TLN1: variants seen among roughly 807,000 people sequenced by gnomAD.
TLN1 encodes talin 1.
TLN1 carries 56 observed loss-of-function variants against 292.3 expected under a neutral mutation model. The ratio of observed to expected loss-of-function variants is 0.19; its 90% confidence interval spans 0.15 to 0.24. The LOEUF is 0.24. Ranked by LOEUF, TLN1 falls within the 10% of genes least tolerant of loss-of-function variation. The pLI is 1.00. For missense variants in TLN1, 2,433 were observed against 3,248.2 expected (o/e 0.75, Z 6.10); for synonymous variants, 1,119 against 1,253.7 (o/e 0.89, Z 2.27).
At position 35,720,419 on chromosome 9, in the gene TLN1, A is replaced by C. The variant is rs778520565; in HGVS notation, c.1283+14T>G. 4 of 1,613,752 alleles carry C rather than the reference A, an allele frequency of 2.5e-6. No individual in the cohort carries two copies. Among genetic ancestry groups the C allele is most frequent in the Non-Finnish European group, 3.4e-6 (4 of 1,179,852 alleles). Reference sequence around the variant, plus strand: ...TACCCCTGGGAAATGGGATCAGCCCAACTCCCTTCGTACTTTTTGGGGGAC... The same window carrying C: ...TACCCCTGGGAAATGGGATCAGCCCCACTCCCTTCGTACTTTTTGGGGGAC... On this transcript the variant is annotated intron_variant, in intron 12 of 56. Coordinates refer to ENST00000314888, the MANE Select transcript of TLN1 (RefSeq NM_006289.4).
chr9:35,718,862 C>T lies in TLN1; in HGVS notation c.1945G>A (p.Gly649Arg). ...QAAGNVGQAS[G>R]ELLQQIGESD... ...TCCCCAATTTGTTGCAACAGCTCCCCACTGGCCTGGCCCACGTTCCCAGCT... is the reference window on the plus strand; with the variant it reads ...TCCCCAATTTGTTGCAACAGCTCCCTACTGGCCTGGCCCACGTTCCCAGCT... Residue 649 changes from glycine (G) to arginine (R), a missense_variant, in exon 17 of 57, where the codon GGG becomes AGG. Around this residue, in one of 7 missense-constraint regions of TLN1, gnomAD observed 617 missense variants for 770.6 expected, o/e 0.80. Transcript: ENST00000314888. 1 of 1,613,738 alleles carries T rather than the reference C, an allele frequency of 6.2e-7. No individual in the cohort carries two copies. The highest frequency in any genetic ancestry group is 8.5e-7 in the Non-Finnish European group (1 of 1,179,828).
chr9:35,697,419 G>A lies in TLN1; in HGVS notation c.*372C>T. On this transcript the variant is annotated 3_prime_UTR_variant, in exon 57 of 57. Coordinates refer to ENST00000314888, the MANE Select transcript of TLN1 (RefSeq NM_006289.4). ...GCCCCTATGGGTAGCTGGGGGTGGG[G>A]GAAGATAGTATCAAAAAACGGTGAA... 1 of 240,324 alleles carries A rather than the reference G, an allele frequency of 4.2e-6. No homozygotes were observed. Among genetic ancestry groups the A allele is most frequent in the Non-Finnish European group, 8.1e-6 (1 of 122,744 alleles). 14.9% of individuals were successfully genotyped at this position (240,324 alleles called of 1,614,324 possible).
chr9:35,714,913 T>TTCCC lies in TLN1; in HGVS notation c.2755-41_2755-38dup. On this transcript the variant is annotated intron_variant, in intron 21 of 56. Coordinates refer to ENST00000314888, the MANE Select transcript of TLN1 (RefSeq NM_006289.4). The surrounding 1 kb of genome is among the most constrained non-coding windows in gnomAD (Gnocchi z 4.6). ...AGAGTAGTCAGACCAAGCCCATGGA[T>TTCCC]TCCCATGCCCAGCCCAGTCCCTGGC... 1 of 1,597,796 alleles carries TTCCC rather than the reference T, an allele frequency of 6.3e-7. No homozygotes were observed. The highest frequency in any genetic ancestry group is 8.5e-7 in the Non-Finnish European group (1 of 1,171,522).
rs1320468153 is a variant in TLN1, at chr9:35,719,222, T to C, written c.1748A>G (p.Asn583Ser). ...VGCAVTTISS[N>S]LTEMSRGVKL... is the part of the protein sequence containing the mutation. The stretch of plus-strand genomic sequence containing the variant: ...CACCCCACGGGACATCTCCGTCAGG[T>C]TGGAGGAGATTGTGGTGACTGCACA... Residue 583 changes from asparagine (N) to serine (S), a missense_variant, in exon 16 of 57, where the codon AAC becomes AGC. Physicochemically the swap from Asn to Ser is conservative, Grantham distance 46. Around this residue, in one of 7 missense-constraint regions of TLN1, gnomAD observed 617 missense variants for 770.6 expected, o/e 0.80. Coordinates refer to ENST00000314888, the MANE Select transcript of TLN1 (RefSeq NM_006289.4). This position sits in a 1 kb window ranked among gnomAD's most constrained non-coding sequence, Gnocchi z 4.6. The C allele has an allele frequency of 9.3e-6, 15 of 1,614,044 alleles. No homozygotes were observed. The highest frequency in any genetic ancestry group is 1.3e-5 in the African/African-American group (1 of 74,998).
chr9:35,713,838 G>A, intron 25 of TLN1, 115 bp downstream of exon 25: 2 of 1,122,462 alleles, frequency 1.8e-6, no homozygotes, highest in Non-Finnish European at 2.5e-6. Context: ...AAAAATAAAA[G>A]AGAGAAAGAG....
In TLN1 at chr9:35,697,585, TG is replaced by T; in HGVS notation, c.*205del. ...AATACTCTGGGGAGGGGCAGGCACT[TG>T]GGGGGCCCTAGGGCATGAAGGCACT... On this transcript the variant is annotated 3_prime_UTR_variant, in exon 57 of 57. Transcript: ENST00000314888. The T allele has an allele frequency of 1.8e-6, 1 of 544,710 alleles. No individual in the cohort carries two copies. Among genetic ancestry groups the T allele is most frequent in the Non-Finnish European group, 3.0e-6 (1 of 336,834 alleles). 33.7% of individuals were successfully genotyped at this position (544,710 alleles called of 1,614,324 possible). A position where few individuals can be genotyped will look rare whatever the true frequency, so the allele number is the denominator to read the frequency against.
In TLN1 at chr9:35,706,899, C is replaced by T. The variant is rs779307601; in HGVS notation, c.4957G>A (p.Asp1653Asn). Residue 1653 changes from aspartate (D) to asparagine (N), a missense_variant and splice_region_variant, in exon 38 of 57, where the codon GAC (aspartate) becomes AAC (asparagine). By Grantham distance (23) the Asp-to-Asn change is conservative (BLOSUM62 1). Around this residue, in one of 7 missense-constraint regions of TLN1, gnomAD observed 1,384 missense variants for 1,699.6 expected, o/e 0.81. Coordinates refer to ENST00000314888, the MANE Select transcript of TLN1 (RefSeq NM_006289.4). This position sits in a 1 kb window ranked among gnomAD's most constrained non-coding sequence, Gnocchi z 4.2. Reference protein sequence around the residue: ...SIKKLITSMRDKAPGQLECET... With the variant: ...SIKKLITSMRNKAPGQLECET... ...CACTCCAGCTGCCCTGGAGCCTTGTCCCTGCAGACACATCATGGGCTCCAA... is the reference window on the plus strand; with the variant it reads ...CACTCCAGCTGCCCTGGAGCCTTGTTCCTGCAGACACATCATGGGCTCCAA... 1 of 1,613,882 alleles carries T rather than the reference C, an allele frequency of 6.2e-7. No homozygotes were observed. The highest frequency in any genetic ancestry group is 1.7e-5 in the Admixed American group (1 of 59,988).
At chr9:35,726,014 G>A (rs1199179766) in intron 1 of TLN1, among the ~76,000 whole-genome samples, 1 of 152,044 alleles carries the variant, frequency 6.6e-6, no homozygotes, top group Non-Finnish European at 1.5e-5. Flanking sequence ...CTGGATTCAC[G>A]CCATTCTCCT....
rs549376234 is a variant in TLN1, at chr9:35,719,399, A to C, written c.1688-117T>G. On this transcript the variant is annotated intron_variant, in intron 15 of 56. Coordinates refer to ENST00000314888, the MANE Select transcript of TLN1 (RefSeq NM_006289.4). This position sits in a 1 kb window ranked among gnomAD's most constrained non-coding sequence, Gnocchi z 4.6. ...CACATGTCCACAGAAAGACGCACAC[A>C]CACAGTCCCTTCCACAGTGAGTCAA... The C allele has an allele frequency of 1.1e-5, 15 of 1,345,034 alleles. 1 individual carries two copies. In the South Asian group the frequency reaches 1.8e-4, roughly 16 times the overall value. 83.3% of individuals were successfully genotyped at this position (1,345,034 alleles called of 1,614,324 possible). A position where few individuals can be genotyped will look rare whatever the true frequency, so the allele number is the denominator to read the frequency against.
Position 35,718,861 on chromosome 9 carries a change from C to T in TLN1, c.1946G>A (p.Gly649Glu), listed in dbSNP as rs1209808173. Residue 649 changes from glycine to glutamate, a missense_variant, in exon 17 of 57, where the codon GGG becomes GAG. Gly to Glu is a moderately conservative substitution (Grantham distance 98). Coordinates refer to ENST00000314888, the MANE Select transcript of TLN1 (RefSeq NM_006289.4). The part of the protein sequence containing the change: ...QAAGNVGQAS[G>E]ELLQQIGESD... ...TTCCCCAATTTGTTGCAACAGCTCC[C>T]CACTGGCCTGGCCCACGTTCCCAGC... is the stretch of plus-strand genomic sequence containing the variant. 1 of 1,613,756 alleles carries T rather than the reference C, an allele frequency of 6.2e-7. No individual in the cohort carries two copies. The highest frequency in any genetic ancestry group is 1.1e-5 in the South Asian group (1 of 90,968).
In TLN1 at chr9:35,707,688, T is replaced by C. The variant is rs780986796; in HGVS notation, c.4632+43A>G. 2.4e-4 allele frequency: 394 copies of C among 1,612,958 alleles called. 3 individuals are homozygous for C. In the South Asian group the frequency reaches 4.0e-3, roughly 16 times the overall value. On this transcript the variant is annotated intron_variant, in intron 35 of 56. Coordinates refer to ENST00000314888, the MANE Select transcript of TLN1 (RefSeq NM_006289.4). This position sits in a 1 kb window ranked among gnomAD's most constrained non-coding sequence, Gnocchi z 5.6. Reference sequence around the variant, plus strand: ...TAACTGGGGGACTCGGGGGAGAAGATAGGACAGGTCAGGGAGAGGCTGGGA... The same window carrying C: ...TAACTGGGGGACTCGGGGGAGAAGACAGGACAGGTCAGGGAGAGGCTGGGA...
chr9:35,716,231 C>T lies in TLN1; in HGVS notation c.2625+159G>A, dbSNP rs547656236. Among the ~76,000 whole-genome samples, 10 of 151,914 alleles carry T rather than the reference C, an allele frequency of 6.6e-5. No homozygotes were observed. In the South Asian group the frequency reaches 1.9e-3, roughly 29 times the overall value. On this transcript the variant is annotated intron_variant, in intron 20 of 56. Transcript: ENST00000314888. ...AAAAAAGCCTGGGTCATGGCTCACC[C>T]ACAGCCTTGGGGCTCATTCATTTCC...
chr9:35,711,635 G>C lies in TLN1; in HGVS notation c.3839C>G (p.Thr1280Ser). 1 of 1,614,076 alleles carries C rather than the reference G, an allele frequency of 6.2e-7. No homozygotes were observed. ...ASGRFGQDFS[T>S]FLEAGVEMAG... ...CATCTCCACACCAGCTTCCAGGAAG[G>C]TGCTGAAGTCCTGTCCAAATCGGCC... Residue 1280 changes from threonine to serine, a missense_variant, in exon 29 of 57, where the codon ACC (threonine) becomes AGC (serine). Transcript: ENST00000314888.
Position 35,698,904 on chromosome 9 carries a change from C to T in TLN1, c.7029G>A (p.Glu2343=). ...TGGACTTGGCAGCTTCTAGTATCTGCTCCTCAAAGTTCAAGGACTCATCTG... is the reference window on the plus strand; with the variant it reads ...TGGACTTGGCAGCTTCTAGTATCTGTTCCTCAAAGTTCAAGGACTCATCTG... ...KEADESLNFE[E]QILEAAKSIA... is the part of the protein sequence containing the mutation. The change falls in exon 53 of 57, where the codon GAG becomes GAA. Residue 2343 remains glutamate, a synonymous_variant. Transcript: ENST00000314888. The surrounding 1 kb of genome is among the most constrained non-coding windows in gnomAD (Gnocchi z 5.3). 1.2e-6 allele frequency: 2 copies of T among 1,614,130 alleles called. No homozygotes were observed. The highest frequency in any genetic ancestry group is 1.1e-5 in the South Asian group (1 of 91,084).
At position 35,704,114 on chromosome 9, in the gene TLN1, G is replaced by A. The variant is rs757894122; in HGVS notation, c.6108C>T (p.Asn2036=). ...CCAACTTCTCCTGGCTCCCAGCTGC[G>A]TTTTGCACCAGGACCTTGGTGTCCT... ...LVEDTKVLVQ[N]AAGSQEKLAQ... The change falls in exon 46 of 57, where the codon AAC becomes AAT. Residue 2036 remains asparagine, a synonymous_variant. Transcript: ENST00000314888. This position sits in a 1 kb window ranked among gnomAD's most constrained non-coding sequence, Gnocchi z 6.9. 8.7e-6 allele frequency: 14 copies of A among 1,613,354 alleles called. 1 individual carries two copies. The highest frequency in any genetic ancestry group is 3.3e-4 in the Middle Eastern group (2 of 6,058).
chr9:35,711,525 T>A (rs1267508251), intron 29 of TLN1, 70 bp downstream of exon 29: 2 of 1,608,902 alleles, frequency 1.2e-6, no homozygotes, highest in African/African-American at 2.7e-5. Flanking sequence ...AAGTCAGGAC[T>A]GGTCACTCAA....
Position 35,707,036 on chromosome 9 carries a change from G to A in TLN1, c.4955+36C>T. 2 of 1,608,628 alleles carry A rather than the reference G, an allele frequency of 1.2e-6. No individual in the cohort carries two copies. The highest frequency in any genetic ancestry group is 1.7e-4 in the Middle Eastern group (1 of 5,996). On this transcript the variant is annotated intron_variant, in intron 37 of 56. Transcript: ENST00000314888. The surrounding 1 kb of genome is among the most constrained non-coding windows in gnomAD (Gnocchi z 5.6). ...CATCCTCCATTCTGCCACAATGTAT[G>A]CCCCCCAGCCACACTGGTTCCCCAT...
chr9:35,699,360 C>A lies in TLN1; in HGVS notation c.6870G>T (p.Met2290Ile). The A allele has an allele frequency of 6.2e-7, 1 of 1,611,566 alleles. No homozygotes were observed. The highest frequency in any genetic ancestry group is 8.5e-7 in the Non-Finnish European group (1 of 1,178,710). Residue 2290 changes from methionine to isoleucine, a missense_variant, in exon 51 of 57, where the codon ATG (methionine) becomes ATT (isoleucine). Transcript: ENST00000314888. This position sits in a 1 kb window ranked among gnomAD's most constrained non-coding sequence, Gnocchi z 4.0. Reference sequence around the variant, plus strand: ...CTGTCCCTGGTCACCCCTCACCCTTCATGGCTTCAGCAGCCTGGATGAGCT... The same window carrying A: ...CTGTCCCTGGTCACCCCTCACCCTTAATGGCTTCAGCAGCCTGGATGAGCT... ...VTELIQAAEA[M>I]KGTEWVDPED...
At position 35,711,249 on chromosome 9, in the gene TLN1, A is replaced by G. The variant is rs1399063054; in HGVS notation, c.4019+6T>C. 1 of 1,613,896 alleles carries G rather than the reference A, an allele frequency of 6.2e-7. No individual in the cohort carries two copies. Among genetic ancestry groups the G allele is most frequent in the African/African-American group, 1.3e-5 (1 of 74,904 alleles). On this transcript the variant is annotated splice_donor_region_variant and intron_variant, in intron 30 of 56. Transcript: ENST00000314888. ...TCCAGGGCTGGGCTTCTCAGCAACT[A>G]CTTACCTGGCAGCTGCAGCCAGCTG...
Sources: gnomAD v4.1 joint callset for allele counts (sites outside exome capture counted in the v4.1 genomes callset) on GRCh38, gnomAD v4.1.1 for gene constraint, gnomAD v4.1.1 regional missense constraint, Gnocchi (gnomAD v3.1) non-coding constraint, MANE v1.5 for transcripts, NCBI Gene and HGNC (gene_info 2026-07-23, HGNC 2026-07-21) for gene names.